IL2RB: variants seen among roughly 807,000 people sequenced by gnomAD.
IL2RB encodes the protein interleukin 2 receptor subunit beta.
Under a neutral mutation model 44.2 loss-of-function variants are expected in IL2RB, and 17 were observed. The ratio of observed to expected loss-of-function variants is 0.38; its 90% CI spans 0.26 to 0.58. The LOEUF (loss-of-function observed/expected upper bound fraction) is 0.58, where lower values mean the gene tolerates loss of function less well. Among genes scored for constraint, IL2RB ranks in the 20% least tolerant of loss-of-function variants. The pLI, the probability that IL2RB is intolerant of heterozygous loss-of-function variation, is 0.63. For missense variants in IL2RB, 624 were observed against 685.5 expected, an observed-to-expected ratio of 0.91 and a Z score of 1.00; for synonymous variants, 286 against 297.9, an observed-to-expected ratio of 0.96 and a Z score of 0.41.
intron 9 of IL2RB, among the ~76,000 whole-genome samples, chr22:37,129,522 C>T (rs769427213): frequency 1.1e-4 from 16 of 144,820 alleles, no homozygotes; most frequent in African/African-American, 2.3e-4. Flanking sequence ...CTCAGTTGCT[C>T]GGGATTCCAG....
At chr22:37,144,312 C>T in intron 1 of IL2RB, 107 bp from the exon 2 acceptor site, 2 of 1,374,370 alleles carry the variant, frequency 1.5e-6, no homozygotes, top group South Asian at 3.0e-5. Context: ...GTCTGCACTC[C>T]TCGGTGCCAG....
In IL2RB at chr22:37,125,960, CTT is replaced by C. The variant is rs1569038204; in HGVS notation, c.*2134_*2135del. ...ATGTATTTCAACGAAAATGAACTGA[CTT>C]AAAGAAAAAATATTAAGGAAATAAT... On this transcript the variant is annotated 3_prime_UTR_variant, in exon 10 of 10. Transcript: ENST00000216223. 6.6e-6 allele frequency: 1 copy of C among 151,950 alleles called. No homozygotes were observed. Among genetic ancestry groups the C allele is most frequent in the Non-Finnish European group, 1.5e-5 (1 of 67,994 alleles). The allele number at this position is 151,950 out of a possible 1,614,324, so 9.4% of individuals were successfully genotyped here. A position where few individuals can be genotyped will look rare whatever the true frequency, so the allele number is the denominator to read the frequency against.
intron 1 of IL2RB, among the ~76,000 whole-genome samples, chr22:37,164,505 G>C (rs1009053952): frequency 1.3e-5 from 2 of 151,746 alleles, no homozygotes; most frequent in African/African-American, 2.4e-5. Flanking sequence ...TGGGCAGGGG[G>C]GATGGTGGAA....
intron 1 of IL2RB, among the ~76,000 whole-genome samples, chr22:37,165,229 C>T (rs1033348341): frequency 6.6e-6 from 1 of 152,226 alleles, no homozygotes; most frequent in Non-Finnish European, 1.5e-5. Context: ...GCACATGCTC[C>T]TAACTACCAG....
upstream of IL2RB, among the ~76,000 whole-genome samples, chr22:37,153,399 C>G (rs1922567458): frequency 6.6e-6 from 1 of 152,198 alleles, no homozygotes; most frequent in Non-Finnish European, 1.5e-5. Flanking sequence ...CCAGGAGGGG[C>G]AGGACTGGAG....
At position 37,143,562 on chromosome 22, in the gene IL2RB, C is replaced by G; in HGVS notation, c.162G>C (p.Leu54=). The change falls in exon 3 of 10, where the codon CTG becomes CTC. Residue 54 remains leucine, a synonymous_variant. Coordinates refer to ENST00000216223, the MANE Select transcript of IL2RB (RefSeq NM_000878.5). ...ISCVWSQDGA[L]QDTSCQVHAW... ...CATGGACTTGGCAGGAAGTGTCCTG[C>G]AGAGCCCCATCTTGGCTCCAGACAC... is the stretch of plus-strand genomic sequence containing the variant. 1 of 1,614,074 alleles carries G rather than the reference C, an allele frequency of 6.2e-7. No homozygotes were observed. The highest frequency in any genetic ancestry group is 8.5e-7 in the Non-Finnish European group (1 of 1,179,968).
intron 1 of IL2RB, among the ~76,000 whole-genome samples, chr22:37,170,068 GATGGGGGAGAAGGAAGGAAGA>G (rs1460060705): frequency 0.21 from 722 of 3,396 alleles, 7 homozygotes; most frequent in Middle Eastern, 0.25. Context: ...AGGAAGGAAG[GATGGGGGAGAAGGAAGGAAGA>G]ATGGATGGAT....
chr22:37,133,657 C>T (rs917801108), intron 8 of IL2RB, among the ~76,000 whole-genome samples: 3 of 152,190 alleles, frequency 2.0e-5, no homozygotes, highest in Non-Finnish European at 2.9e-5. Flanking sequence ...CCAGGCCACG[C>T]TCCACACAGC....
intron 1 of IL2RB, among the ~76,000 whole-genome samples, chr22:37,147,679 G>C (rs1016205367): frequency 2.6e-5 from 4 of 152,200 alleles, no homozygotes; most frequent in African/African-American, 9.7e-5. Flanking sequence ...CAGAGGTAAG[G>C]CTGCCACCCT....
At chr22:37,171,627 C>T (rs907168177) in intron 1 of IL2RB, among the ~76,000 whole-genome samples, 6 of 152,186 alleles carry the variant, frequency 3.9e-5, no homozygotes, top group Non-Finnish European at 5.9e-5. Context: ...AGGATGAAAA[C>T]TATGGAATGC....
chr22:37,140,536 T>C (rs1252265311), intron 4 of IL2RB, among the ~76,000 whole-genome samples: 2 of 151,916 alleles, frequency 1.3e-5, no homozygotes, highest in African/African-American at 4.8e-5. Context: ...AGCTAAGAAA[T>C]GGTGGAGCCA....
Position 37,128,558 on chromosome 22 carries a change from C to T in IL2RB, c.1194G>A (p.Gly398=), listed in dbSNP as rs1007584994. Residue 398 remains glycine (G), a synonymous_variant, in exon 10 of 10, where the codon GGG becomes GGA. Transcript: ENST00000216223. This position sits in a 1 kb window ranked among gnomAD's most constrained non-coding sequence, Gnocchi z 4.5. ...GTTGGGGGGAAGACCCTGTGGGTGCCCCGGCCACACCCTCATCAGGGTCTT... is the reference window on the plus strand; with the variant it reads ...GTTGGGGGGAAGACCCTGTGGGTGCTCCGGCCACACCCTCATCAGGGTCTT... ...SEEDPDEGVA[G]APTGSSPQPL... is the part of the protein sequence containing the mutation. 2 of 1,613,800 alleles carry T rather than the reference C, an allele frequency of 1.2e-6. No homozygotes were observed. Among genetic ancestry groups the T allele is most frequent in the Non-Finnish European group, 1.7e-6 (2 of 1,179,808 alleles).
intron 1 of IL2RB, chr22:37,174,901 A>T (rs1434419287): frequency 6.6e-6 from 1 of 152,244 alleles, no homozygotes; most frequent in Non-Finnish European, 1.5e-5. Context: ...TCACACTGCT[A>T]TGAAGAACTG....
At chr22:37,172,551 C>T (rs1923325514) in intron 1 of IL2RB, among the ~76,000 whole-genome samples, 1 of 152,100 alleles carries the variant, frequency 6.6e-6, no homozygotes, top group Non-Finnish European at 1.5e-5. Context: ...GGCGAGGGGT[C>T]CCTGGAGAAG....
chr22:37,170,083 AGGAAGAATGGATGGAT>A (rs1569056312), intron 1 of IL2RB, among the ~76,000 whole-genome samples: 4,380 of 123,972 alleles, frequency 0.035, 229 homozygotes, highest in African/African-American at 0.13. Flanking sequence ...GGGAGAAGGA[AGGAAGAATGGATGGAT>A]GGATGGATGG....
intron 1 of IL2RB, among the ~76,000 whole-genome samples, chr22:37,148,950 C>G (rs6000581): frequency 6.6e-6 from 1 of 152,094 alleles, no homozygotes; most frequent in African/African-American, 2.4e-5. Flanking sequence ...CTCTGGCCAC[C>G]TCCACCTGCC....
intron 9 of IL2RB, among the ~76,000 whole-genome samples, chr22:37,131,037 T>G (rs1361767094): frequency 6.6e-6 from 1 of 152,154 alleles, no homozygotes; most frequent in Non-Finnish European, 1.5e-5. Context: ...TGTGGTGGTG[T>G]GTGCTTGTAG....
intron 5 of IL2RB, among the ~76,000 whole-genome samples, chr22:37,138,789 G>A (rs1921823604): frequency 6.6e-6 from 1 of 152,222 alleles, no homozygotes; most frequent in Non-Finnish European, 1.5e-5. Flanking sequence ...GGTGTAAAGG[G>A]CCTTCCAGGC....
chr22:37,170,864 G>A (rs1311967423), intron 1 of IL2RB, among the ~76,000 whole-genome samples: 1 of 152,192 alleles, frequency 6.6e-6, no homozygotes, highest in Admixed American at 6.5e-5. Context: ...AATTCTGGGA[G>A]CGCCTTTCTG....
Sources: gnomAD v4.1 joint callset for allele counts (sites outside exome capture counted in the v4.1 genomes callset) on GRCh38, gnomAD v4.1.1 for gene constraint, Gnocchi (gnomAD v3.1) non-coding constraint, MANE v1.5 for transcripts, NCBI Gene and HGNC (gene_info 2026-07-23, HGNC 2026-07-21) for gene names.